Variants in ANKRD35 observed in about 807,000 individuals in gnomAD.
ANKRD35 encodes ankyrin repeat domain 35.
In ANKRD35, 102 loss-of-function variants were observed where a neutral mutation model predicts 109.9. That is an observed-to-expected ratio of 0.93 (90% CI 0.79 to 1.09). ANKRD35 has a LOEUF of 1.09. Ranked by LOEUF, ANKRD35 falls within the 50% of genes least tolerant of loss-of-function variation. ANKRD35 has a pLI of 0.00. For synonymous variants in ANKRD35, 515 were observed against 512.4 expected (o/e 1.01, Z -0.07); for missense variants, 1,240 against 1,230.1 (o/e 1.01, Z -0.12).
Position 145,872,978 on chromosome 1 carries a change from C to A in ANKRD35, c.1791G>T (p.Gly597=), listed in dbSNP as rs1157435111. The A allele has an allele frequency of 1.2e-6, 2 of 1,610,310 alleles. No homozygotes were observed. Among genetic ancestry groups the A allele is most frequent in the African/African-American group, 2.7e-5 (2 of 74,664 alleles). The change falls in exon 10 of 14, where the codon GGG becomes GGT. Residue 597 remains glycine (G), a synonymous_variant. Transcript: ENST00000355594. The part of the protein sequence containing the change: ...RVPGAQGEPL[G]ALGGEKALGG... ...CTAGGGCCTTTTCCCCTCCAAGGGC[C>A]CCTAGAGGCTCTCCTTGAGCCCCAG...
Position 145,872,383 on chromosome 1 carries a change from C to T in ANKRD35, c.2386G>A (p.Val796Ile), listed in dbSNP as rs1553738902. 6.2e-7 allele frequency: 1 copy of T among 1,613,206 alleles called. No individual in the cohort carries two copies. The highest frequency in any genetic ancestry group is 2.2e-5 in the East Asian group (1 of 44,856). ...LGKLEEELRA[V>I]QATMSGKSQE... Reference sequence around the variant, plus strand: ...CTCTTCCCGCTCATCGTGGCCTGAACTGCCCGCAGCTCTTCCTCCAGCTTC... The same window carrying T: ...CTCTTCCCGCTCATCGTGGCCTGAATTGCCCGCAGCTCTTCCTCCAGCTTC... The change falls in exon 10 of 14, where the codon GTT (valine) becomes ATT (isoleucine). Residue 796 changes from valine to isoleucine, a missense_variant. Val to Ile is a conservative substitution (Grantham distance 29). Transcript: ENST00000355594.
At chr1:145,871,829 C>T (rs782660166) in intron 10 of ANKRD35, among the ~76,000 whole-genome samples, 153 bp downstream of exon 10, 21 of 152,268 alleles carry the variant, frequency 1.4e-4, no homozygotes, top group Admixed American at 9.1e-4. Flanking sequence ...CCCACGAGAA[C>T]ATAGTAGTGT....
intron 10 of ANKRD35, among the ~76,000 whole-genome samples, chr1:145,869,464 G>T (rs1653729869): frequency 6.6e-6 from 1 of 151,590 alleles, no homozygotes; most frequent in Non-Finnish European, 1.5e-5. Flanking sequence ...TTACAGGTGT[G>T]AGCCACTGCG....
In ANKRD35 at chr1:145,872,923, C is replaced by T. The variant is rs782279221; in HGVS notation, c.1846G>A (p.Glu616Lys). ...TTGCTCAGTCTCAGTACTGACATCT[C>T]CTTCTCCAGCTGTCCCTTTGCCAGG... The part of the protein sequence containing the change: ...GGLAKGQLEK[E>K]MSVLRLSNSN... The change falls in exon 10 of 14, where the codon GAG becomes AAG. Residue 616 changes from glutamate to lysine, a missense_variant. By Grantham distance (56) the Glu-to-Lys change is moderately conservative. Transcript: ENST00000355594. 31 of 1,612,612 alleles carry T rather than the reference C, an allele frequency of 1.9e-5. No individual in the cohort carries two copies. The East Asian group carries it at 6.2e-4, about 33-fold the overall frequency.
At chr1:145,867,866 G>T in intron 12 of ANKRD35, 125 bp downstream of exon 12, 1 of 879,702 alleles carries the variant, frequency 1.1e-6, no homozygotes. Context: ...ACCTAGCACT[G>T]GATCCAGCTT....
intron 10 of ANKRD35, 57 bp downstream of exon 10, chr1:145,871,925 C>T (rs1234105528): frequency 1.2e-5 from 19 of 1,588,610 alleles, no homozygotes; most frequent in Non-Finnish European, 1.6e-5. Context: ...GGTTAGTAAA[C>T]TCCCAAATAC....
intron 4 of ANKRD35, among the ~76,000 whole-genome samples, chr1:145,877,618 T>A (rs1242042820): frequency 6.6e-6 from 1 of 152,208 alleles, no homozygotes; most frequent in African/African-American, 2.4e-5. Context: ...ACTACTAGAC[T>A]ATAAACTCTT....
intron 10 of ANKRD35, among the ~76,000 whole-genome samples, chr1:145,871,165 T>TC (rs1553738563): frequency 7.8e-5 from 9 of 114,982 alleles, no homozygotes; most frequent in Admixed American, 1.8e-4. Context: ...TTTTTTTTTT[T>TC]TTTTTTTTTT....
chr1:145,875,036 C>A (rs782281584), intron 7 of ANKRD35, 30 bp from the exon 8 acceptor site: 68 of 1,553,232 alleles, frequency 4.4e-5, no homozygotes, highest in Non-Finnish European at 5.8e-5. Context: ...TGAGCACAGA[C>A]TTTCCACATG....
At chr1:145,874,336 A>G (rs994849521) in intron 8 of ANKRD35, 144 bp from the exon 9 acceptor site, 21 of 939,526 alleles carry the variant, frequency 2.2e-5, no homozygotes, top group Admixed American at 6.7e-5. Flanking sequence ...CCAGAAGCCA[A>G]TCTTGTTTAG....
chr1:145,878,288 A>T, intron 3 of ANKRD35, 103 bp downstream of exon 3: 1 of 1,254,016 alleles, frequency 8.0e-7, no homozygotes, highest in Non-Finnish European at 1.1e-6. Flanking sequence ...GGAGAGAAGC[A>T]AGGGGCCACA....
rs782534481 is a variant in ANKRD35, at chr1:145,872,440, G to A, written c.2329C>T (p.Pro777Ser). Reference protein sequence around the residue: ...PGTSLKAPASPQVAALEQDLG... With the variant: ...PGTSLKAPASSQVAALEQDLG... ...TCTTGCTCCAGAGCGGCCACTTGGGGGGATGCTGGGGCCTTTAAGGAGGTG... is the reference window on the plus strand; with the variant it reads ...TCTTGCTCCAGAGCGGCCACTTGGGAGGATGCTGGGGCCTTTAAGGAGGTG... Residue 777 changes from proline (P) to serine (S), a missense_variant, in exon 10 of 14, where the codon CCC becomes TCC. Pro to Ser is a moderately conservative substitution (Grantham distance 74, BLOSUM62 -1). Transcript: ENST00000355594. The A allele has an allele frequency of 1.9e-6, 3 of 1,610,116 alleles. No individual in the cohort carries two copies. The highest frequency in any genetic ancestry group is 2.2e-5 in the South Asian group (2 of 90,396).
intron 1 of ANKRD35, among the ~76,000 whole-genome samples, chr1:145,882,099 C>T (rs587682842): frequency 2.8e-4 from 42 of 150,594 alleles, no homozygotes; most frequent in South Asian, 4.2e-4. Context: ...GGACTACAGG[C>T]GCCCGCCACC....
Position 145,873,431 on chromosome 1 carries a change from G to C in ANKRD35, c.1338C>G (p.Thr446=). The C allele has an allele frequency of 6.2e-7, 1 of 1,614,074 alleles. No homozygotes were observed. Among genetic ancestry groups the C allele is most frequent in the Non-Finnish European group, 8.5e-7 (1 of 1,179,986 alleles). ...CAGGGCCAAAGGTCTGTGCCCCATTGGTAGTCAGTTGCTGTCCTGTGGCTT... is the reference window on the plus strand; with the variant it reads ...CAGGGCCAAAGGTCTGTGCCCCATTCGTAGTCAGTTGCTGTCCTGTGGCTT... ...IRKATGQQLT[T]NGAQTFGPDH... The change falls in exon 10 of 14, where the codon ACC becomes ACG. Residue 446 remains threonine, a synonymous_variant. Transcript: ENST00000355594.
At chr1:145,885,655 T>G in intron 1 of ANKRD35, 65 bp downstream of exon 1, 1 of 1,554,402 alleles carries the variant, frequency 6.4e-7, no homozygotes, top group South Asian at 1.1e-5. Context: ...GAGACGGGAC[T>G]AAAGACTTCT....
At chr1:145,868,730 AG>A (rs1653697561) in intron 10 of ANKRD35, among the ~76,000 whole-genome samples, 1 of 152,210 alleles carries the variant, frequency 6.6e-6, no homozygotes, top group African/African-American at 2.4e-5. Context: ...TATGATTAAA[AG>A]TGGGCCTCTA....
chr1:145,873,349 C>T lies in ANKRD35; in HGVS notation c.1420G>A (p.Glu474Lys). Residue 474 changes from glutamate to lysine, a missense_variant, in exon 10 of 14, where the codon GAA becomes AAA. By Grantham distance (56) the Glu-to-Lys change is moderately conservative (BLOSUM62 1). Transcript: ENST00000355594. ...GGTTCAGCCACTGTGCCTCCTGGTT[C>T]AACTCCTAGAACCTGGGAACTCTCC... ...QKESSQVLGV[E>K]PGGTVAEPVG... 1 of 1,614,188 alleles carries T rather than the reference C, an allele frequency of 6.2e-7. No individual in the cohort carries two copies. The highest frequency in any genetic ancestry group is 1.1e-5 in the South Asian group (1 of 91,080).
intron 1 of ANKRD35, among the ~76,000 whole-genome samples, chr1:145,883,494 T>C (rs1324866862): frequency 1.3e-5 from 2 of 152,254 alleles, no homozygotes; most frequent in Non-Finnish European, 2.9e-5. Flanking sequence ...TTGACTAAAA[T>C]AAAATGGGAT....
rs782045829 is a variant in ANKRD35, at chr1:145,873,186, T to C, written c.1583A>G (p.Glu528Gly). 6.2e-7 allele frequency: 1 copy of C among 1,614,066 alleles called. No individual in the cohort carries two copies. The highest frequency in any genetic ancestry group is 1.1e-5 in the South Asian group (1 of 91,076). The change falls in exon 10 of 14, where the codon GAG (glutamate) becomes GGG (glycine). Residue 528 changes from glutamate to glycine, a missense_variant. Coordinates refer to ENST00000355594, the MANE Select transcript of ANKRD35 (RefSeq NM_144698.5). ...CTTCTCCCAGGCAGCTGCTGCTGCC[T>C]CAGCACGGGGAGTCCCCAGGGCTCC... is the stretch of plus-strand genomic sequence containing the variant. ...MEGALGTPRA[E>G]AAAAAWEKME...
Sources: gnomAD v4.1 joint callset for allele counts (sites outside exome capture counted in the v4.1 genomes callset) on GRCh38, gnomAD v4.1.1 for gene constraint, MANE v1.5 for transcripts, NCBI Gene and HGNC (gene_info 2026-07-23, HGNC 2026-07-21) for gene names.